The following RHBDL2 variants were observed in gnomAD, a reference collection of about 807,000 sequenced individuals.
RHBDL2 encodes the protein rhomboid like 2, also known as rhomboid-related protein 2.
RHBDL2 carries 26 observed loss-of-function variants against 31.7 expected under a neutral mutation model. The ratio of observed to expected loss-of-function variants is 0.82; its 90% CI spans 0.60 to 1.14. The LOEUF is 1.14. RHBDL2 is among the 50% of genes most tolerant of loss of function. RHBDL2 has a pLI of 0.00. For missense variants in RHBDL2, 336 were observed against 364.4 expected, an observed-to-expected ratio of 0.92 and a Z score of 0.63; for synonymous variants, 123 against 127.2, an observed-to-expected ratio of 0.97 and a Z score of 0.22.
chr1:38,915,001 C>T (rs1570930559), intron 3 of RHBDL2, among the ~76,000 whole-genome samples: 1 of 150,612 alleles, frequency 6.6e-6, no homozygotes, highest in East Asian at 2.0e-4. Flanking sequence ...TGCACTCTAG[C>T]CTGGTGACAA....
intron 4 of RHBDL2, among the ~76,000 whole-genome samples, chr1:38,899,754 G>A (rs1457126273): frequency 3.3e-5 from 5 of 152,254 alleles, no homozygotes; most frequent in Non-Finnish European, 7.3e-5. Context: ...ACAGCCGAGA[G>A]CTGAGCTGCT....
At chr1:38,894,995 GCACC>G in intron 5 of RHBDL2, among the ~76,000 whole-genome samples, 1 of 152,188 alleles carries the variant, frequency 6.6e-6, no homozygotes, top group Non-Finnish European at 1.5e-5. Flanking sequence ...GTGAGCCACC[GCACC>G]CGGCCAAGGG....
chr1:38,940,426 C>T lies in RHBDL2; in HGVS notation c.-126+1256G>A, dbSNP rs370676371. On this transcript the variant is annotated intron_variant, in intron 1 of 7. Transcript: ENST00000372990. ...CTCACTTTATTGCCCAGGCTGGTCT[C>T]GAACTCCTGGACTCAAGGAATCCTC... Among the ~76,000 whole-genome samples the T allele has an allele frequency of 1.7e-3, 255 of 152,144 alleles. 1 individual carries two copies. The highest frequency in any genetic ancestry group is 5.6e-3 in the African/African-American group (233 of 41,524).
chr1:38,900,083 A>C (rs759440967), intron 4 of RHBDL2, among the ~76,000 whole-genome samples: 60 of 152,314 alleles, frequency 3.9e-4, no homozygotes, highest in Non-Finnish European at 7.1e-4. Context: ...AAAAAGAATC[A>C]AACTGCTTTC....
intron 3 of RHBDL2, among the ~76,000 whole-genome samples, chr1:38,914,322 A>C (rs1336165617): frequency 6.6e-6 from 1 of 150,460 alleles, no homozygotes. Flanking sequence ...GCACACTGCA[A>C]CCTCCGCCTC....
chr1:38,927,612 A>G (rs1643392722), intron 1 of RHBDL2, among the ~76,000 whole-genome samples: 2 of 152,034 alleles, frequency 1.3e-5, no homozygotes, highest in South Asian at 4.1e-4. Context: ...CACTATAAAG[A>G]CCTGAATTCT....
intron 1 of RHBDL2, among the ~76,000 whole-genome samples, chr1:38,921,583 G>A (rs986497665): frequency 6.6e-6 from 1 of 152,104 alleles, no homozygotes; most frequent in African/African-American, 2.4e-5. Flanking sequence ...AACTCATTAG[G>A]CAAGTTTTCA....
intron 4 of RHBDL2, among the ~76,000 whole-genome samples, chr1:38,904,988 G>A (rs1000318106): frequency 4.6e-4 from 69 of 150,310 alleles, no homozygotes; most frequent in Non-Finnish European, 8.4e-4. Context: ...CCGAGATCGC[G>A]CCACTGCACT....
intron 1 of RHBDL2, 57 bp from the exon 2 acceptor site, chr1:38,919,394 G>T: frequency 6.9e-7 from 1 of 1,451,106 alleles, no homozygotes; most frequent in East Asian, 2.4e-5. Context: ...CCTCCTAAAT[G>T]GCCCAAAATA....
chr1:38,932,453 G>A (rs1643448627), intron 1 of RHBDL2, among the ~76,000 whole-genome samples: 2 of 151,908 alleles, frequency 1.3e-5, no homozygotes. Context: ...AATGGCTCTT[G>A]GTTTTTCTGT....
chr1:38,941,133 G>T (rs1386578927), intron 1 of RHBDL2, among the ~76,000 whole-genome samples: 1 of 152,206 alleles, frequency 6.6e-6, no homozygotes, highest in African/African-American at 2.4e-5. Context: ...AAACAGTGAT[G>T]AATAAACAAA....
At chr1:38,934,822 G>A (rs1251228924) in intron 1 of RHBDL2, among the ~76,000 whole-genome samples, 1 of 151,910 alleles carries the variant, frequency 6.6e-6, no homozygotes, top group African/African-American at 2.4e-5. Flanking sequence ...GCTGGGTGTG[G>A]TGGCAGGCAC....
intron 1 of RHBDL2, chr1:38,926,355 G>A (rs1019225836): frequency 8.8e-6 from 2 of 227,290 alleles, no homozygotes; most frequent in Non-Finnish European, 1.5e-5. Flanking sequence ...CACTGAGGCT[G>A]TCCTCACCTA....
At chr1:38,911,064 C>T (rs961685146) in intron 4 of RHBDL2, among the ~76,000 whole-genome samples, 1 of 151,874 alleles carries the variant, frequency 6.6e-6, no homozygotes, top group Non-Finnish European at 1.5e-5. Flanking sequence ...CAGGCAGGAG[C>T]GCCAGGCATA....
intron 1 of RHBDL2, among the ~76,000 whole-genome samples, chr1:38,925,516 C>CA (rs796466193): frequency 0.075 from 9,418 of 125,770 alleles, 899 homozygotes; most frequent in African/African-American, 0.24. Flanking sequence ...GATTCTGTCT[C>CA]AAAAAAAAAA....
intron 1 of RHBDL2, among the ~76,000 whole-genome samples, chr1:38,935,929 T>C (rs1643500977): frequency 1.3e-5 from 2 of 152,156 alleles, no homozygotes; most frequent in South Asian, 2.1e-4. Context: ...TGGGTGTTTT[T>C]TGAGACAGGG....
At chr1:38,939,374 G>A (rs1643539579) in intron 1 of RHBDL2, among the ~76,000 whole-genome samples, 2 of 152,106 alleles carry the variant, frequency 1.3e-5, no homozygotes, top group African/African-American at 4.8e-5. Context: ...CAAAGTAGCT[G>A]AGATGGGCCA....
intron 6 of RHBDL2, among the ~76,000 whole-genome samples, chr1:38,891,305 A>G (rs1200071941): frequency 6.6e-6 from 1 of 151,924 alleles, no homozygotes; most frequent in African/African-American, 2.4e-5. Context: ...AACTTTATAC[A>G]CATTACATAT....
chr1:38,918,384 G>A (rs1214289332), intron 2 of RHBDL2, among the ~76,000 whole-genome samples: 1 of 152,110 alleles, frequency 6.6e-6, no homozygotes, highest in African/African-American at 2.4e-5. Context: ...CGAGGTACAG[G>A]GGAGCCTCAT....
Sources: gnomAD v4.1 joint callset for allele counts (sites outside exome capture counted in the v4.1 genomes callset) on GRCh38, gnomAD v4.1.1 for gene constraint, MANE v1.5 for transcripts, NCBI Gene and HGNC (gene_info 2026-07-23, HGNC 2026-07-21) for gene names.